Variants in RHOJ observed in about 807,000 individuals in gnomAD.
RHOJ encodes rho-related GTP-binding protein RhoJ.
In RHOJ, 11 loss-of-function variants were observed where a neutral mutation model predicts 23.4. That is an observed-to-expected ratio of 0.47 (90% CI 0.30 to 0.78). The LOEUF is 0.78. RHOJ is among the 30% of genes least tolerant of loss of function. RHOJ has a pLI of 0.08. For synonymous variants in RHOJ, 102 were observed against 102.7 expected, an observed-to-expected ratio of 0.99 and a Z score of 0.04; for missense variants, 254 against 273.4, an observed-to-expected ratio of 0.93 and a Z score of 0.50.
chr14:63,259,183 C>T (rs1008548989), intron 1 of RHOJ, among the ~76,000 whole-genome samples: 5 of 152,154 alleles, frequency 3.3e-5, no homozygotes, highest in African/African-American at 1.2e-4. Context: ...CATGATCCAC[C>T]CTCCTCAGCC....
chr14:63,280,780 G>A (rs145328168), intron 2 of RHOJ, among the ~76,000 whole-genome samples, 191 bp from the exon 3 acceptor site: 421 of 152,234 alleles, frequency 2.8e-3, no homozygotes, highest in African/African-American at 9.8e-3. Context: ...ATCTCTGTAC[G>A]TAACAAAAAG....
chr14:63,213,332 C>A (rs570372289), intron 1 of RHOJ, among the ~76,000 whole-genome samples: 1 of 152,168 alleles, frequency 6.6e-6, no homozygotes, highest in Admixed American at 6.5e-5. Flanking sequence ...TGCCATCTTC[C>A]TGTCCATGTG....
chr14:63,278,287 G>A (rs1411406228), intron 2 of RHOJ, among the ~76,000 whole-genome samples: 1 of 152,114 alleles, frequency 6.6e-6, no homozygotes, highest in Admixed American at 6.6e-5. Context: ...CCCGTGTTCT[G>A]CATACTCTGA....
chr14:63,281,257 A>G, intron 3 of RHOJ, 122 bp downstream of exon 3: 2 of 942,032 alleles, frequency 2.1e-6, no homozygotes, highest in Non-Finnish European at 3.1e-6. Context: ...TGTCAATCCT[A>G]TGAACAGAAG....
intron 1 of RHOJ, among the ~76,000 whole-genome samples, chr14:63,232,376 T>C (rs761347199): frequency 1.3e-5 from 2 of 152,166 alleles, no homozygotes; most frequent in Non-Finnish European, 2.9e-5. Context: ...ATTTAGATGG[T>C]AGCAGAAGGG....
At chr14:63,254,330 G>T (rs534860237) in intron 1 of RHOJ, among the ~76,000 whole-genome samples, 32 of 152,214 alleles carry the variant, frequency 2.1e-4, no homozygotes, top group African/African-American at 7.5e-4. Flanking sequence ...TGGGTGCTGG[G>T]AAAGCTACAA....
At chr14:63,284,674 C>G (rs1367872355) in intron 4 of RHOJ, among the ~76,000 whole-genome samples, 3 of 152,162 alleles carry the variant, frequency 2.0e-5, no homozygotes, top group African/African-American at 4.8e-5. Flanking sequence ...ATTAAGATAC[C>G]TAAATATGTA....
At chr14:63,266,226 G>C (rs1390609076) in intron 1 of RHOJ, among the ~76,000 whole-genome samples, 3 of 152,162 alleles carry the variant, frequency 2.0e-5, no homozygotes, top group African/African-American at 7.2e-5. Context: ...CTATACTAGA[G>C]TCAGGTTGCA....
At chr14:63,217,041 A>G (rs113378097) in intron 1 of RHOJ, among the ~76,000 whole-genome samples, 78 of 151,456 alleles carry the variant, frequency 5.2e-4, no homozygotes, top group Middle Eastern at 6.8e-3. Context: ...TCACTCCCCC[A>G]TAGCTACTTG....
intron 1 of RHOJ, among the ~76,000 whole-genome samples, chr14:63,262,693 G>T (rs1245168120): frequency 6.6e-6 from 1 of 152,210 alleles, no homozygotes; most frequent in African/African-American, 2.4e-5. Flanking sequence ...GCTTCAAGCT[G>T]CCCCTCCGTA....
At chr14:63,256,297 T>C (rs922684562) in intron 1 of RHOJ, among the ~76,000 whole-genome samples, 1 of 152,192 alleles carries the variant, frequency 6.6e-6, no homozygotes, top group Non-Finnish European at 1.5e-5. Context: ...TCTCTGTGAC[T>C]AAAAATATTC....
intron 1 of RHOJ, among the ~76,000 whole-genome samples, chr14:63,232,896 A>G (rs1055528176): frequency 6.6e-6 from 1 of 151,976 alleles, no homozygotes; most frequent in Non-Finnish European, 1.5e-5. Flanking sequence ...GGGTTTCACC[A>G]TGTTGTCCAG....
intron 1 of RHOJ, among the ~76,000 whole-genome samples, chr14:63,227,615 T>G (rs375353242): frequency 1.3e-5 from 2 of 152,170 alleles, no homozygotes; most frequent in Non-Finnish European, 2.9e-5. Flanking sequence ...AATCTCTAAT[T>G]ACAACAGTGT....
chr14:63,278,816 T>C (rs370719444), intron 2 of RHOJ, among the ~76,000 whole-genome samples: 3 of 151,690 alleles, frequency 2.0e-5, no homozygotes, highest in Non-Finnish European at 4.4e-5. Context: ...GAGACCCCCA[T>C]CTCTACAAAA....
chr14:63,235,960 G>A (rs1038410213), intron 1 of RHOJ, among the ~76,000 whole-genome samples: 1 of 152,076 alleles, frequency 6.6e-6, no homozygotes, highest in Non-Finnish European at 1.5e-5. Context: ...TATTCCCCAG[G>A]AGAAAAATGT....
intron 1 of RHOJ, among the ~76,000 whole-genome samples, chr14:63,247,845 C>T (rs1301690314): frequency 1.3e-5 from 2 of 152,236 alleles, no homozygotes; most frequent in Admixed American, 6.5e-5. Flanking sequence ...ATGGACTCAC[C>T]GTTCCACTAA....
intron 1 of RHOJ, among the ~76,000 whole-genome samples, chr14:63,234,645 T>G (rs1894756014): frequency 6.6e-6 from 1 of 152,054 alleles, no homozygotes; most frequent in African/African-American, 2.4e-5. Context: ...AATTATATAG[T>G]TTTTCATATT....
At chr14:63,283,388 TG>T (rs1249631162) in intron 4 of RHOJ, 172 bp downstream of exon 4, 3 of 601,448 alleles carry the variant, frequency 5.0e-6, no homozygotes, top group Non-Finnish European at 8.9e-6. Flanking sequence ...AGGAGCCATT[TG>T]GTTAGCCTTC....
At position 63,253,447 on chromosome 14, in the gene RHOJ, T is replaced by C. The variant is rs370383300; in HGVS notation, c.179-15663T>C. 3.2e-3 allele frequency among the ~76,000 whole-genome samples: 494 copies of C among 152,172 alleles called. 4 individuals are homozygous for C. The highest frequency in any genetic ancestry group is 0.012 in the African/African-American group (484 of 41,510). On this transcript the variant is annotated intron_variant, in intron 1 of 4. Coordinates refer to ENST00000316754, the MANE Select transcript of RHOJ (RefSeq NM_020663.5). Reference sequence around the variant, plus strand: ...GGGTTTCACTATGTTGCCCAGGCTGTCTCAAACTCCTGGCCTCAAGTGATC... The same window carrying C: ...GGGTTTCACTATGTTGCCCAGGCTGCCTCAAACTCCTGGCCTCAAGTGATC...
Sources: gnomAD v4.1 joint callset for allele counts (sites outside exome capture counted in the v4.1 genomes callset) on GRCh38, gnomAD v4.1.1 for gene constraint, MANE v1.5 for transcripts, NCBI Gene and HGNC (gene_info 2026-07-23, HGNC 2026-07-21) for gene names.